RBPMS: variants seen among roughly 807,000 people sequenced by gnomAD.
The protein encoded by RBPMS is RNA-binding protein with multiple splicing.
RBPMS carries 7 observed loss-of-function variants against 26.8 expected under a neutral mutation model. The observed-to-expected ratio is 0.26, with a 90% CI of 0.15 to 0.49. The LOEUF (loss-of-function observed/expected upper bound fraction) is 0.49, where lower values mean the gene tolerates loss of function less well. RBPMS is among the 20% of genes least tolerant of loss of function. The pLI, the probability that RBPMS is intolerant of heterozygous loss-of-function variation, is 0.98. For missense variants in RBPMS, 186 were observed against 250.0 expected (o/e 0.74, Z 1.73); for synonymous variants, 96 against 93.3 (o/e 1.03, Z -0.17).
chr8:30,416,225 A>T (rs1810050581), intron 1 of RBPMS, among the ~76,000 whole-genome samples: 1 of 152,198 alleles, frequency 6.6e-6, no homozygotes, highest in Non-Finnish European at 1.5e-5. Context: ...GTTTGTGTAA[A>T]TGTTAATCCA....
chr8:30,525,068 C>G (rs576016174), intron 5 of RBPMS, among the ~76,000 whole-genome samples: 1 of 152,114 alleles, frequency 6.6e-6, no homozygotes, highest in Non-Finnish European at 1.5e-5. Flanking sequence ...AAATGTTTCT[C>G]AAACTTAAGT....
intron 5 of RBPMS, among the ~76,000 whole-genome samples, chr8:30,506,958 TC>T (rs1821137175): frequency 1.3e-5 from 2 of 152,250 alleles, no homozygotes; most frequent in African/African-American, 4.8e-5. Context: ...GAGCTGTCGT[TC>T]CGGGGAGGTG....
In RBPMS at chr8:30,501,748, A is replaced by G. The variant is rs997635561; in HGVS notation, c.247-2538A>G. Among the ~76,000 whole-genome samples the G allele has an allele frequency of 3.9e-5, 6 of 152,214 alleles. No individual in the cohort carries two copies. In the South Asian group the frequency reaches 1.2e-3, roughly 32 times the overall value. On this transcript the variant is annotated intron_variant, in intron 4 of 8. Transcript: ENST00000397323. ...GAGGAAAAGGTTGCTTTTGAAAGAC[A>G]CAGGTTCACCCTTTCACTTGGCAGT...
chr8:30,478,540 G>A (rs1046116776), intron 3 of RBPMS, among the ~76,000 whole-genome samples: 67 of 135,184 alleles, frequency 5.0e-4, no homozygotes, highest in African/African-American at 1.7e-3. Flanking sequence ...TCACTATGTT[G>A]CCAGGCTGGA....
intron 5 of RBPMS, among the ~76,000 whole-genome samples, chr8:30,542,569 A>G (rs1825493486): frequency 2.0e-5 from 3 of 152,246 alleles, no homozygotes; most frequent in Admixed American, 2.0e-4. Flanking sequence ...AGTTGTATGT[A>G]TCAGTTTTAT....
intron 1 of RBPMS, among the ~76,000 whole-genome samples, chr8:30,460,652 C>G (rs1815773457): frequency 6.6e-6 from 1 of 152,132 alleles, no homozygotes; most frequent in African/African-American, 2.4e-5. Flanking sequence ...ATTTCTTATA[C>G]TACCGTAAAA....
chr8:30,446,667 A>G (rs1813811526), intron 1 of RBPMS, among the ~76,000 whole-genome samples: 1 of 151,990 alleles, frequency 6.6e-6, no homozygotes, highest in Non-Finnish European at 1.5e-5. Context: ...GTTTTGCTCC[A>G]TTGCCTAGGC....
At chr8:30,439,730 G>A (rs946972361) in intron 1 of RBPMS, among the ~76,000 whole-genome samples, 1 of 151,836 alleles carries the variant, frequency 6.6e-6, no homozygotes, top group African/African-American at 2.4e-5. Context: ...ATCACTGCTC[G>A]CTGCAGCCTT....
At chr8:30,416,213 A>C (rs1810049643) in intron 1 of RBPMS, among the ~76,000 whole-genome samples, 1 of 152,190 alleles carries the variant, frequency 6.6e-6, no homozygotes, top group African/African-American at 2.4e-5. Context: ...AGTGGAGTTA[A>C]TGTTTGTGTA....
chr8:30,440,523 C>T (rs992666151), intron 1 of RBPMS, among the ~76,000 whole-genome samples: 1 of 152,198 alleles, frequency 6.6e-6, no homozygotes, highest in Non-Finnish European at 1.5e-5. Flanking sequence ...CCAGAATTTC[C>T]TTCCTTTTTA....
rs545329603 is a variant in RBPMS at position 30,515,374 on chromosome 8, G to C, written c.397+10938G>C. Among the ~76,000 whole-genome samples the C allele has an allele frequency of 1.4e-4, 21 of 152,270 alleles. No individual in the cohort carries two copies. In the South Asian group the frequency reaches 4.4e-3, roughly 32 times the overall value. ...AATAACCACCCCTTAATAAGTGTTG[G>C]TGTAATAGCAGAGAAGAATATCCAG... On this transcript the variant is annotated intron_variant, in intron 5 of 8. Coordinates refer to ENST00000397323, the MANE Select transcript of RBPMS (RefSeq NM_001008710.3).
At chr8:30,569,610 G>A (rs897259481) in intron 8 of RBPMS, among the ~76,000 whole-genome samples, 1 of 152,180 alleles carries the variant, frequency 6.6e-6, no homozygotes, top group African/African-American at 2.4e-5. Flanking sequence ...CAGGGGTGGA[G>A]AGTGATTTAG....
At chr8:30,562,342 AAAG>A (rs1179645613) in intron 7 of RBPMS, among the ~76,000 whole-genome samples, 64 of 151,838 alleles carry the variant, frequency 4.2e-4, no homozygotes, top group African/African-American at 1.1e-3. Flanking sequence ...AAAAAAAAAA[AAAG>A]AGTATGTAAT....
intron 5 of RBPMS, among the ~76,000 whole-genome samples, chr8:30,525,085 A>G (rs1823437253): frequency 6.6e-6 from 1 of 152,212 alleles, no homozygotes; most frequent in Non-Finnish European, 1.5e-5. Context: ...AAGTTCTCCT[A>G]AAATAGCAAT....
intron 1 of RBPMS, among the ~76,000 whole-genome samples, chr8:30,422,045 AAGCAGT>A (rs1385234125): frequency 6.6e-6 from 1 of 152,050 alleles, no homozygotes; most frequent in Non-Finnish European, 1.5e-5. Flanking sequence ...AAGTTCTTAA[AAGCAGT>A]AGGGGGCTGG....
chr8:30,538,172 C>A (rs1824995962), intron 5 of RBPMS, among the ~76,000 whole-genome samples: 1 of 152,180 alleles, frequency 6.6e-6, no homozygotes, highest in South Asian at 2.1e-4. Context: ...GCACGTAGTA[C>A]AGTTGGTTCC....
At position 30,494,306 on chromosome 8, in the gene RBPMS, G is replaced by T. The variant is rs1819702411; in HGVS notation, c.247-9980G>T. On this transcript the variant is annotated intron_variant, in intron 4 of 8. Coordinates refer to ENST00000397323, the MANE Select transcript of RBPMS (RefSeq NM_001008710.3). ...CTCATCTTTCTCTTTCTAAGTAATA[G>T]AAGAACCTCTCCAAAAAAGCCAAAG... Among the ~76,000 whole-genome samples, 4 of 152,276 alleles carry T rather than the reference G, an allele frequency of 2.6e-5. No individual in the cohort carries two copies. The South Asian group carries it at 8.3e-4, about 32-fold the overall frequency.
chr8:30,546,251 G>C (rs1825859603), intron 6 of RBPMS, among the ~76,000 whole-genome samples: 1 of 152,264 alleles, frequency 6.6e-6, no homozygotes, highest in Admixed American at 6.5e-5. Context: ...TAAATACCAT[G>C]AAACAGTGGT....
intron 4 of RBPMS, among the ~76,000 whole-genome samples, chr8:30,480,689 G>A (rs931421806): frequency 6.6e-6 from 1 of 152,136 alleles, no homozygotes; most frequent in Admixed American, 6.5e-5. Flanking sequence ...GGTATACACC[G>A]AAGCACGGTG....
Sources: allele counts gnomAD v4.1 joint callset (sites outside exome capture counted in the v4.1 genomes callset), GRCh38; gene constraint gnomAD v4.1.1; transcripts MANE v1.5; gene names NCBI Gene and HGNC (gene_info 2026-07-23, HGNC 2026-07-21).